The following MOXD1 variants were observed in gnomAD, a reference collection of about 807,000 sequenced individuals.
The protein encoded by MOXD1 is DBH-like monooxygenase protein 1.
Under a neutral mutation model 66.6 loss-of-function variants are expected in MOXD1, and 62 were observed. The observed-to-expected ratio is 0.93, with a 90% CI of 0.76 to 1.15. The LOEUF is 1.15. MOXD1 is among the 50% of genes most tolerant of loss of function. The pLI, the probability that MOXD1 is intolerant of heterozygous loss-of-function variation, is 0.00. For synonymous variants in MOXD1, 303 were observed against 281.9 expected (o/e 1.07, Z -0.75); for missense variants, 847 against 754.6 (o/e 1.12, Z -1.44).
At chr6:132,323,013 T>A in intron 7 of MOXD1, 143 bp from the exon 8 acceptor site, 1 of 779,884 alleles carries the variant, frequency 1.3e-6, no homozygotes, top group Non-Finnish European at 1.9e-6. Context: ...AGAGTTTGAA[T>A]TCGGATTGTT....
chr6:132,401,422 C>T lies in MOXD1; in HGVS notation c.5G>A (p.Cys2Tyr), dbSNP rs890919349. 4 of 1,492,648 alleles carry T rather than the reference C, an allele frequency of 2.7e-6. No individual in the cohort carries two copies. Among genetic ancestry groups the T allele is most frequent in the Non-Finnish European group, 2.7e-6 (3 of 1,126,842 alleles). The allele number at this position is 1,492,648 out of a possible 1,614,324, so 92.5% of individuals were successfully genotyped here. The change falls in exon 1 of 12, where the codon TGC becomes TAC. Residue 2 changes from cysteine to tyrosine, a missense_variant. Transcript: ENST00000367963. ...CCACAGCAGGAGCAGCGGCCAGCAG[C>T]ACATCCTCGGGCGCCTCCTGCCCGC... M[C>Y]CWPLLLLWGL... is the part of the protein sequence containing the mutation.
chr6:132,301,753 A>G (rs1415890877), intron 10 of MOXD1, among the ~76,000 whole-genome samples: 1 of 152,176 alleles, frequency 6.6e-6, no homozygotes, highest in Non-Finnish European at 1.5e-5. Context: ...ACTTTTGGCC[A>G]TGTTGGAGTA....
chr6:132,339,490 T>C (rs960642290), intron 4 of MOXD1, among the ~76,000 whole-genome samples: 1 of 152,220 alleles, frequency 6.6e-6, no homozygotes, highest in Non-Finnish European at 1.5e-5. Context: ...GATCAAATTC[T>C]AGAACAGTAG....
intron 4 of MOXD1, among the ~76,000 whole-genome samples, chr6:132,367,143 TG>T (rs1776165290): frequency 6.6e-6 from 1 of 152,040 alleles, no homozygotes; most frequent in African/African-American, 2.4e-5. Flanking sequence ...TCTCCAAAGC[TG>T]AAAATTTTCA....
intron 4 of MOXD1, among the ~76,000 whole-genome samples, chr6:132,357,956 A>C (rs550749034): frequency 1.5e-4 from 23 of 152,316 alleles, no homozygotes; most frequent in African/African-American, 5.1e-4. Context: ...GAAGGTTTAG[A>C]CTGTTAGAGG....
At chr6:132,372,188 TG>T (rs1776275008) in intron 4 of MOXD1, among the ~76,000 whole-genome samples, 2 of 152,216 alleles carry the variant, frequency 1.3e-5, no homozygotes, top group African/African-American at 2.4e-5. Context: ...TTATTATAAC[TG>T]TTTTTTTATG....
At chr6:132,313,940 AC>A (rs1774885807) in intron 10 of MOXD1, among the ~76,000 whole-genome samples, 1 of 151,974 alleles carries the variant, frequency 6.6e-6, no homozygotes, top group Non-Finnish European at 1.5e-5. Context: ...AAAAACAAAA[AC>A]AAAACCTCTA....
At chr6:132,392,447 C>A in intron 1 of MOXD1, 1 of 1,249,372 alleles carries the variant, frequency 8.0e-7, no homozygotes, top group Non-Finnish European at 1.1e-6. Context: ...CAGCATTCAT[C>A]GGCTGCATTA....
chr6:132,345,148 A>G (rs375562161), intron 4 of MOXD1, among the ~76,000 whole-genome samples: 3 of 152,200 alleles, frequency 2.0e-5, no homozygotes, highest in Non-Finnish European at 4.4e-5. Flanking sequence ...ATCTTGTGTC[A>G]TTTCCTACCC....
chr6:132,355,611 C>G (rs1041733637), intron 4 of MOXD1, among the ~76,000 whole-genome samples: 10 of 152,120 alleles, frequency 6.6e-5, no homozygotes, highest in Non-Finnish European at 1.5e-4. Context: ...TAAAGGAGAG[C>G]CCACTTGTTC....
intron 1 of MOXD1, among the ~76,000 whole-genome samples, chr6:132,379,266 T>C (rs897938109): frequency 5.9e-5 from 9 of 152,072 alleles, no homozygotes; most frequent in Non-Finnish European, 1.0e-4. Context: ...AAAAACCATA[T>C]GATGAACCCA....
Position 132,373,681 on chromosome 6 carries a change from C to T in MOXD1, c.412-684G>A, listed in dbSNP as rs1386351924. 6.6e-5 allele frequency among the ~76,000 whole-genome samples: 10 copies of T among 152,222 alleles called. No individual in the cohort carries two copies. The East Asian group carries it at 1.9e-3, about 29-fold the overall frequency. ...CAACCAGGAGAGATTGCCCAAAGGG[C>T]TATGGGTTGGGGAGGGTTTGCTGGG... On this transcript the variant is annotated intron_variant, in intron 2 of 11. Coordinates refer to ENST00000367963, the MANE Select transcript of MOXD1 (RefSeq NM_015529.4).
intron 4 of MOXD1, among the ~76,000 whole-genome samples, chr6:132,339,677 T>G (rs1236630378): frequency 1.3e-5 from 2 of 152,178 alleles, no homozygotes; most frequent in African/African-American, 4.8e-5. Flanking sequence ...GAGCTGAAAT[T>G]GATCCAATCA....
At chr6:132,363,678 C>T (rs543325401) in intron 4 of MOXD1, among the ~76,000 whole-genome samples, 12 of 152,144 alleles carry the variant, frequency 7.9e-5, no homozygotes, top group Admixed American at 5.2e-4. Flanking sequence ...TCAGTGTGTT[C>T]ATATGGAAAG....
chr6:132,361,966 T>G (rs992153320), intron 4 of MOXD1, among the ~76,000 whole-genome samples: 1 of 152,172 alleles, frequency 6.6e-6, no homozygotes, highest in Non-Finnish European at 1.5e-5. Context: ...ATGAGTTTTA[T>G]AAACTTGAAT....
At chr6:132,386,781 A>C (rs1000385926) in intron 1 of MOXD1, among the ~76,000 whole-genome samples, 1 of 151,420 alleles carries the variant, frequency 6.6e-6, no homozygotes, top group Admixed American at 6.6e-5. Flanking sequence ...TGATCTCACA[A>C]TCTTACAAGG....
rs1775243783 is a variant in MOXD1 at position 132,328,579 on chromosome 6, G to C, written c.679C>G (p.Gln227Glu). The C allele has an allele frequency of 6.2e-7, 1 of 1,613,980 alleles. No individual in the cohort carries two copies. The highest frequency in any genetic ancestry group is 2.2e-5 in the East Asian group (1 of 44,864). ...HHVIKVEPVI[Q>E]RGHESLVHHI... ...TGCACCAGACTCTCATGGCCTCTCT[G>C]TATCACTGGCTCAACCTACACGAAC... The change falls in exon 5 of 12, where the codon CAG becomes GAG. Residue 227 changes from glutamine (Q) to glutamate (E), a missense_variant. By Grantham distance (29) the Gln-to-Glu change is conservative. Transcript: ENST00000367963.
Position 132,401,300 on chromosome 6 carries a change from G to A in MOXD1, c.127C>T (p.Gln43Ter). ...CGGAAGGCGATCTGGCTGCCCCGCT[G>A]GCTCCAGCCCAGCCAGTACTTGCCC... ...SEGKYWLGWSQRGSQIAFRLQ... is the reference protein window; with the variant it reads ...SEGKYWLGWS Residue 43 changes from glutamine to a stop codon, truncating the protein, a stop_gained, in exon 1 of 12, where the codon CAG becomes TAG. Coordinates refer to ENST00000367963, the MANE Select transcript of MOXD1 (RefSeq NM_015529.4). LOFTEE classifies it high-confidence loss of function. 6.3e-7 allele frequency: 1 copy of A among 1,597,216 alleles called. No homozygotes were observed. The highest frequency in any genetic ancestry group is 8.5e-7 in the Non-Finnish European group (1 of 1,176,928).
At position 132,328,600 on chromosome 6, in the gene MOXD1, C is replaced by A; in HGVS notation, c.664-6G>T. 6.2e-7 allele frequency: 1 copy of A among 1,612,586 alleles called. No individual in the cohort carries two copies. Among genetic ancestry groups the A allele is most frequent in the South Asian group, 1.1e-5 (1 of 90,948 alleles). On this transcript the variant is annotated splice_region_variant and splice_polypyrimidine_tract_variant and intron_variant, in intron 4 of 11. Coordinates refer to ENST00000367963, the MANE Select transcript of MOXD1 (RefSeq NM_015529.4). The stretch of plus-strand genomic sequence containing the variant: ...CTCTGTATCACTGGCTCAACCTACA[C>A]GAACATAAATGAGAGGGAGGACACA...
Sources: gnomAD v4.1 joint callset for allele counts (sites outside exome capture counted in the v4.1 genomes callset) on GRCh38, gnomAD v4.1.1 for gene constraint, MANE v1.5 for transcripts, NCBI Gene and HGNC (gene_info 2026-07-23, HGNC 2026-07-21) for gene names.